GRID2: variants seen among roughly 807,000 people sequenced by gnomAD.
The protein encoded by GRID2 is glutamate ionotropic receptor delta type subunit 2.
Under a neutral mutation model 114.8 loss-of-function variants are expected in GRID2, and 33 were observed. The ratio of observed to expected loss-of-function variants is 0.29; its 90% CI spans 0.22 to 0.38. GRID2 has a LOEUF of 0.38. GRID2 is among the 10% of genes least tolerant of loss of function. The pLI, the probability that GRID2 is intolerant of heterozygous loss-of-function variation, is 1.00. For missense variants in GRID2, 1,184 were observed against 1,257.7 expected, an observed-to-expected ratio of 0.94 and a Z score of 0.89; for synonymous variants, 505 against 449.9, an observed-to-expected ratio of 1.12 and a Z score of -1.55.
chr4:93,221,931 G>T (rs1200655236), intron 6 of GRID2, among the ~76,000 whole-genome samples: 1 of 152,088 alleles, frequency 6.6e-6, no homozygotes, highest in East Asian at 1.9e-4. Context: ...CATGCCTCAC[G>T]GTCTGCAAAA....
intron 10 of GRID2, 87 bp from the exon 11 acceptor site, chr4:93,455,575 T>G: frequency 1.3e-6 from 1 of 789,582 alleles, no homozygotes; most frequent in Non-Finnish European, 2.1e-6. Flanking sequence ...AGGCATCTAT[T>G]TTTTTTTCCT....
At chr4:92,947,786 A>G (rs977425354) in intron 2 of GRID2, among the ~76,000 whole-genome samples, 2 of 151,872 alleles carry the variant, frequency 1.3e-5, no homozygotes, top group Non-Finnish European at 2.9e-5. Context: ...AAAAGGGTGC[A>G]TTAGAATGGA....
intron 9 of GRID2, among the ~76,000 whole-genome samples, chr4:93,397,039 T>A (rs927320301): frequency 6.6e-6 from 1 of 152,004 alleles, no homozygotes; most frequent in Non-Finnish European, 1.5e-5. Context: ...TTTTGATACG[T>A]TGATGCTAAT....
chr4:93,004,015 T>G (rs1384973336), intron 2 of GRID2, among the ~76,000 whole-genome samples: 1 of 151,950 alleles, frequency 6.6e-6, no homozygotes, highest in Non-Finnish European at 1.5e-5. Flanking sequence ...TATTGATATC[T>G]TTGCTAAGGA....
chr4:93,366,002 T>C (rs934612628), intron 8 of GRID2, among the ~76,000 whole-genome samples: 1 of 152,184 alleles, frequency 6.6e-6, no homozygotes. Context: ...CTGTCTTTAC[T>C]TTAATCTCTT....
At chr4:92,910,327 A>C (rs1748279595) in intron 2 of GRID2, among the ~76,000 whole-genome samples, 1 of 152,134 alleles carries the variant, frequency 6.6e-6, no homozygotes, top group Non-Finnish European at 1.5e-5. Flanking sequence ...TGCTGAGCAG[A>C]TCTGAGGTGC....
chr4:92,549,352 C>T lies in GRID2; in HGVS notation c.89-40779C>T, dbSNP rs746118852. 5.2e-4 allele frequency among the ~76,000 whole-genome samples: 79 copies of T among 152,242 alleles called. 1 individual carries two copies. The highest frequency in any genetic ancestry group is 7.8e-4 in the Non-Finnish European group (53 of 68,008). The stretch of plus-strand genomic sequence containing the variant: ...GGTTACCCTCAGGGACTATATACCA[C>T]ACCATGTCACCATGTTGTATTCATA... On this transcript the variant is annotated intron_variant, in intron 1 of 15. Transcript: ENST00000282020.
chr4:93,514,720 AAT>A (rs1578166727), intron 12 of GRID2, among the ~76,000 whole-genome samples: 2 of 152,140 alleles, frequency 1.3e-5, no homozygotes, highest in Non-Finnish European at 2.9e-5. Context: ...TTCAATAAAT[AAT>A]GACTATCATA....
rs564473345 is a variant in GRID2 at position 92,997,349 on chromosome 4, C to G, written c.245-87646C>G. ...AACCCAAGGAACCTGAGCTCTGATC[C>G]TAAGACTCTCTCTAAGTCTGTGTAA... On this transcript the variant is annotated intron_variant, in intron 2 of 15. Transcript: ENST00000282020. 5.9e-5 allele frequency among the ~76,000 whole-genome samples: 9 copies of G among 152,222 alleles called. No individual in the cohort carries two copies. In the East Asian group the frequency reaches 1.7e-3, roughly 29 times the overall value.
intron 14 of GRID2, among the ~76,000 whole-genome samples, chr4:93,664,466 A>G (rs536831929): frequency 1.3e-5 from 2 of 152,332 alleles, no homozygotes; most frequent in Admixed American, 1.3e-4. Context: ...TAAGGGCAGC[A>G]ATGTGAAGTA....
At position 93,626,339 on chromosome 4, in the gene GRID2, A is replaced by G; in HGVS notation, c.2264A>G (p.Asp755Gly). ...VLEYVAINDP[D>G]CSFYTIGNTV... ...GAATATGTGGCTATCAATGACCCAG[A>G]TTGTTCCTTTTACACCATTGGAAAT... The change falls in exon 14 of 16, where the codon GAT becomes GGT. Residue 755 changes from aspartate (D) to glycine (G), a missense_variant. By Grantham distance (94) the Asp-to-Gly change is moderately conservative. Transcript: ENST00000282020. 1 of 1,603,660 alleles carries G rather than the reference A, an allele frequency of 6.2e-7. No individual in the cohort carries two copies. Among genetic ancestry groups the G allele is most frequent in the Non-Finnish European group, 8.5e-7 (1 of 1,170,698 alleles).
At chr4:93,285,519 A>G (rs1276449487) in intron 8 of GRID2, among the ~76,000 whole-genome samples, 1 of 152,068 alleles carries the variant, frequency 6.6e-6, no homozygotes, top group African/African-American at 2.4e-5. Context: ...GACATGTTAG[A>G]AACAATACTA....
intron 2 of GRID2, among the ~76,000 whole-genome samples, chr4:92,938,365 C>G (rs1324477533): frequency 6.8e-6 from 1 of 146,426 alleles, no homozygotes; most frequent in Non-Finnish European, 1.5e-5. Context: ...TTCAAAAAAA[C>G]TATTATAAAC....
At chr4:93,290,234 G>A (rs187964647) in intron 8 of GRID2, among the ~76,000 whole-genome samples, 19 of 152,230 alleles carry the variant, frequency 1.2e-4, no homozygotes, top group African/African-American at 3.4e-4. Flanking sequence ...ACTAATGTTC[G>A]GTTTAGTAGG....
At chr4:92,560,123 T>G (rs1727040907) in intron 1 of GRID2, among the ~76,000 whole-genome samples, 1 of 152,194 alleles carries the variant, frequency 6.6e-6, no homozygotes, top group African/African-American at 2.4e-5. Context: ...CCATATTCCA[T>G]AATCCAAAAT....
intron 8 of GRID2, among the ~76,000 whole-genome samples, chr4:93,311,180 T>C (rs1444804127): frequency 6.6e-6 from 1 of 152,082 alleles, no homozygotes; most frequent in East Asian, 1.9e-4. Context: ...AGAAAGAGGT[T>C]TATTGAAGTG....
In GRID2 at chr4:93,608,881, C is replaced by A. The variant is rs925087247; in HGVS notation, c.2194-17388C>A. 9.1e-5 allele frequency among the ~76,000 whole-genome samples: 12 copies of A among 132,152 alleles called. 3 individuals carry two copies. Among genetic ancestry groups the A allele is most frequent in the African/African-American group, 3.4e-4 (12 of 35,160 alleles). The allele number at this position is 132,152 out of a possible 152,430, so 86.7% of individuals were successfully genotyped here. A position where few individuals can be genotyped will look rare whatever the true frequency, so the allele number is the denominator to read the frequency against. The stretch of plus-strand genomic sequence containing the variant: ...TTCTAGTTCTAGATCCCTGAGGAAT[C>A]GCCACACTGACTTCCACAATGGTTG... On this transcript the variant is annotated intron_variant, in intron 13 of 15. Coordinates refer to ENST00000282020, the MANE Select transcript of GRID2 (RefSeq NM_001510.4).
intron 13 of GRID2, among the ~76,000 whole-genome samples, chr4:93,578,587 A>ATTTTTTTTTTTTTTTTTTTTTTTTTT (rs59397408): frequency 9.5e-5 from 8 of 83,928 alleles, no homozygotes; most frequent in African/African-American, 3.6e-4. Flanking sequence ...TGTTTTTTGT[A>ATTTTTTTTTTTTTTTTTTTTTTTTTT]TTTTTTTTTT....
At chr4:92,399,712 TATTTA>T (rs1401578300) in intron 1 of GRID2, among the ~76,000 whole-genome samples, 1 of 151,686 alleles carries the variant, frequency 6.6e-6, no homozygotes, top group African/African-American at 2.4e-5. Flanking sequence ...TGTGCATGTG[TATTTA>T]ATTATATAAA....
Sources: gnomAD v4.1 joint callset for allele counts (sites outside exome capture counted in the v4.1 genomes callset) on GRCh38, gnomAD v4.1.1 for gene constraint, MANE v1.5 for transcripts, NCBI Gene and HGNC (gene_info 2026-07-23, HGNC 2026-07-21) for gene names.